Variants in ELAVL2 observed in about 807,000 individuals in gnomAD.
The protein encoded by ELAVL2 is ELAV-like protein 2.
ELAVL2 carries 4 observed loss-of-function variants against 34.6 expected under a neutral mutation model. That is an observed-to-expected ratio of 0.12 (90% CI 0.06 to 0.26). The LOEUF is 0.26. ELAVL2 is among the 10% of genes least tolerant of loss of function. ELAVL2 has a pLI of 1.00. For synonymous variants in ELAVL2, 193 were observed against 154.8 expected, an observed-to-expected ratio of 1.25 and a Z score of -1.83; for missense variants, 432 against 442.8, an observed-to-expected ratio of 0.98 and a Z score of 0.22.
intron 1 of ELAVL2, among the ~76,000 whole-genome samples, chr9:23,766,188 G>C (rs1391410861): frequency 6.6e-6 from 1 of 152,000 alleles, no homozygotes; most frequent in Admixed American, 6.6e-5. Context: ...CCACTTTCTG[G>C]CATCTATCAA....
chr9:23,772,377 T>G (rs73470848), intron 1 of ELAVL2, among the ~76,000 whole-genome samples: 131 of 152,066 alleles, frequency 8.6e-4, no homozygotes, highest in African/African-American at 3.0e-3. Context: ...AAGGAAGGTT[T>G]ATGGACAAAA....
chr9:23,774,993 T>C (rs2057968017), intron 1 of ELAVL2, among the ~76,000 whole-genome samples: 2 of 152,166 alleles, frequency 1.3e-5, no homozygotes, highest in Non-Finnish European at 2.9e-5. Context: ...ATCTTTCTCC[T>C]ATCATGATCT....
upstream of ELAVL2, among the ~76,000 whole-genome samples, chr9:23,827,037 T>C (rs1308755185): frequency 6.6e-6 from 1 of 152,194 alleles, no homozygotes; most frequent in Non-Finnish European, 1.5e-5. Context: ...TAGAAAAGTG[T>C]AGGATAAATA....
chr9:23,722,299 C>T (rs1329710922), intron 3 of ELAVL2, among the ~76,000 whole-genome samples: 1 of 152,168 alleles, frequency 6.6e-6, no homozygotes, highest in Admixed American at 6.5e-5. Flanking sequence ...TCGAAGAATG[C>T]GTAGCTGCCT....
chr9:23,776,220 C>G (rs945021829), intron 1 of ELAVL2, among the ~76,000 whole-genome samples: 1 of 152,188 alleles, frequency 6.6e-6, no homozygotes, highest in African/African-American at 2.4e-5. Context: ...CTAACACACA[C>G]ATCTCTTTCC....
Position 23,692,754 on chromosome 9 carries a change from T to A in ELAVL2, c.883A>T (p.Met295Leu). The A allele has an allele frequency of 6.2e-7, 1 of 1,614,150 alleles. No individual in the cohort carries two copies. Among genetic ancestry groups the A allele is most frequent in the Non-Finnish European group, 8.5e-7 (1 of 1,179,994 alleles). Residue 295 changes from methionine (M) to leucine (L), a missense_variant, in exon 7 of 7, where the codon ATG becomes TTG. Met to Leu is a conservative substitution (Grantham distance 15). This residue lies in a region of ELAVL2 where 295 missense variants were observed against 306.1 expected (regional missense o/e 0.96). Transcript: ENST00000397312. ...PDADESILWQ[M>L]FGPFGAVTNV... ...GTGACAGCTCCAAAAGGCCCAAACA[T>A]TTGCCACAGGATACTCTCATCTGCG...
chr9:23,709,242 A>T (rs2040259792), intron 3 of ELAVL2, among the ~76,000 whole-genome samples: 1 of 152,160 alleles, frequency 6.6e-6, no homozygotes, highest in African/African-American at 2.4e-5. Context: ...CTGTCATCAA[A>T]ATCCTCCCTT....
intron 3 of ELAVL2, among the ~76,000 whole-genome samples, chr9:23,705,738 G>T (rs10966033): frequency 0.5 from 75,371 of 152,026 alleles, 20,627 homozygotes; most frequent in African/African-American, 0.74. Context: ...GCAGCTAATC[G>T]GACAGGAGGT....
intron 2 of ELAVL2, among the ~76,000 whole-genome samples, chr9:23,742,010 G>A (rs1436503231): frequency 6.6e-6 from 1 of 152,160 alleles, no homozygotes. Flanking sequence ...GTCCCAGGAG[G>A]ATCCATACTT....
At chr9:23,826,682 T>G (rs971160311), upstream of ELAVL2, among the ~76,000 whole-genome samples, 10 of 152,218 alleles carry the variant, frequency 6.6e-5, no homozygotes, top group Non-Finnish European at 1.5e-4. Flanking sequence ...TTCAGAAAGA[T>G]TCATTTCCTT....
intron 5 of ELAVL2, among the ~76,000 whole-genome samples, chr9:23,701,101 A>G (rs1284415755): frequency 6.6e-6 from 1 of 152,172 alleles, no homozygotes; most frequent in Non-Finnish European, 1.5e-5. Flanking sequence ...GAATACCTCT[A>G]GACATTGCCA....
At chr9:23,755,576 T>C (rs565293701) in intron 2 of ELAVL2, among the ~76,000 whole-genome samples, 11 of 152,132 alleles carry the variant, frequency 7.2e-5, no homozygotes, top group Non-Finnish European at 1.6e-4. Flanking sequence ...TGAGAGATGT[T>C]CCAAAAATAG....
chr9:23,819,680 A>G (rs930870069), intron 1 of ELAVL2, among the ~76,000 whole-genome samples: 7 of 152,214 alleles, frequency 4.6e-5, no homozygotes, highest in African/African-American at 9.6e-5. Flanking sequence ...AGGTGGCAGC[A>G]CAAAGTTACC....
At chr9:23,723,436 G>T (rs1004568234) in intron 3 of ELAVL2, among the ~76,000 whole-genome samples, 1 of 151,818 alleles carries the variant, frequency 6.6e-6, no homozygotes, top group Non-Finnish European at 1.5e-5. Context: ...ACGGGGGAGG[G>T]ATAGCATTAG....
rs145205798 is a variant in ELAVL2 at position 23,811,890 on chromosome 9, A to C, written c.-16+13916T>G. Among the ~76,000 whole-genome samples, 1,098 of 152,248 alleles carry C rather than the reference A, an allele frequency of 7.2e-3. 44 individuals are homozygous for C. The highest frequency in any genetic ancestry group is 0.065 in the Admixed American group (988 of 15,294). On this transcript the variant is annotated intron_variant, in intron 1 of 6. Coordinates refer to ENST00000397312, the MANE Select transcript of ELAVL2 (RefSeq NM_004432.5). The stretch of plus-strand genomic sequence containing the variant: ...ACTAGGAAATAGTTACTCATACCAT[A>C]AAAGAAAATCAAAGGTAACAAAAAC...
chr9:23,808,737 G>A (rs376679420), intron 1 of ELAVL2, among the ~76,000 whole-genome samples: 5 of 152,180 alleles, frequency 3.3e-5, no homozygotes, highest in Middle Eastern at 3.4e-3. Flanking sequence ...TCTTTGAGAC[G>A]ATAACAGAGA....
At chr9:23,709,353 C>T (rs779211489) in intron 3 of ELAVL2, among the ~76,000 whole-genome samples, 1 of 152,134 alleles carries the variant, frequency 6.6e-6, no homozygotes, top group Non-Finnish European at 1.5e-5. Flanking sequence ...GACTCACACT[C>T]TGGAGATCAG....
chr9:23,716,197 G>A (rs976534077), intron 3 of ELAVL2, among the ~76,000 whole-genome samples: 2 of 151,776 alleles, frequency 1.3e-5, no homozygotes, highest in Non-Finnish European at 2.9e-5. Context: ...GATAGCATTA[G>A]GAGATATACC....
At chr9:23,776,777 T>C (rs1342823421) in intron 1 of ELAVL2, among the ~76,000 whole-genome samples, 1 of 147,906 alleles carries the variant, frequency 6.8e-6, no homozygotes, top group Non-Finnish European at 1.5e-5. Flanking sequence ...GCAAAATCAC[T>C]GCTGCTATGG....
Sources: gnomAD v4.1 joint callset for allele counts (sites outside exome capture counted in the v4.1 genomes callset) on GRCh38, gnomAD v4.1.1 for gene constraint, gnomAD v4.1.1 regional missense constraint, MANE v1.5 for transcripts, NCBI Gene and HGNC (gene_info 2026-07-23, HGNC 2026-07-21) for gene names.